DLG2: variants seen among roughly 807,000 people sequenced by gnomAD.
The protein encoded by DLG2 is discs large MAGUK scaffold protein 2, also known as disks large homolog 2.
Under a neutral mutation model 132.5 loss-of-function variants are expected in DLG2, and 45 were observed. The ratio of observed to expected loss-of-function variants is 0.34; its 90% CI spans 0.27 to 0.44. The LOEUF is 0.44. Among genes scored for constraint, DLG2 ranks in the 20% least tolerant of loss-of-function variants. The pLI is 1.00. For missense variants in DLG2, 1,045 were observed against 1,196.9 expected (o/e 0.87, Z 1.87); for synonymous variants, 424 against 419.6 (o/e 1.01, Z -0.13).
At chr11:84,493,808 C>CA (rs1288682368) in intron 7 of DLG2, among the ~76,000 whole-genome samples, 2 of 151,862 alleles carry the variant, frequency 1.3e-5, no homozygotes, top group Admixed American at 6.6e-5. Flanking sequence ...AATAGGCACT[C>CA]AAAAAAAGGA....
At chr11:83,644,006 A>G (rs1160403454) in intron 18 of DLG2, among the ~76,000 whole-genome samples, 2 of 152,154 alleles carry the variant, frequency 1.3e-5, no homozygotes, top group African/African-American at 4.8e-5. Flanking sequence ...ACATCTCTAT[A>G]AGTGAATTCT....
chr11:84,363,702 G>A (rs2098664762), intron 7 of DLG2, among the ~76,000 whole-genome samples: 2 of 151,570 alleles, frequency 1.3e-5, no homozygotes, highest in South Asian at 4.2e-4. Context: ...GTGTAAGGAA[G>A]GGATCCAGTT....
intron 3 of DLG2, among the ~76,000 whole-genome samples, chr11:85,296,805 T>C (rs1249282364): frequency 6.6e-6 from 1 of 150,976 alleles, no homozygotes; most frequent in Admixed American, 6.6e-5. Flanking sequence ...TGAAAATCAA[T>C]TTTAGATTGT....
intron 14 of DLG2, among the ~76,000 whole-genome samples, chr11:83,959,311 T>C (rs528797189): frequency 9.9e-5 from 15 of 152,166 alleles, no homozygotes; most frequent in African/African-American, 3.6e-4. Context: ...TGACTATAAA[T>C]CAGGAAAGTA....
chr11:85,588,745 GT>G (rs2079121630), intron 3 of DLG2, among the ~76,000 whole-genome samples: 2 of 152,068 alleles, frequency 1.3e-5, no homozygotes, highest in Admixed American at 1.3e-4. Context: ...TCTTAGGGGT[GT>G]TGTAAAACCT....
intron 18 of DLG2, among the ~76,000 whole-genome samples, chr11:83,685,083 G>A (rs2079506243): frequency 1.3e-5 from 2 of 152,078 alleles, no homozygotes; most frequent in Non-Finnish European, 2.9e-5. Flanking sequence ...TCTCATTTAA[G>A]CTTGACAACA....
chr11:84,261,955 C>T (rs1371868007), intron 7 of DLG2, among the ~76,000 whole-genome samples: 1 of 152,080 alleles, frequency 6.6e-6, no homozygotes, highest in Non-Finnish European at 1.5e-5. Context: ...GCATCTGGAG[C>T]CTGTCATGCA....
chr11:85,627,434 C>T (rs1258230775), upstream of DLG2: 1 of 152,204 alleles, frequency 6.6e-6, no homozygotes, highest in Non-Finnish European at 1.5e-5. Flanking sequence ...GTTGGCGAAG[C>T]AGATTTCTTC....
At chr11:85,251,966 T>C (rs2076416827) in intron 4 of DLG2, among the ~76,000 whole-genome samples, 1 of 152,216 alleles carries the variant, frequency 6.6e-6, no homozygotes, top group African/African-American at 2.4e-5. Flanking sequence ...TCTGCTATAA[T>C]AGTTATTTCT....
chr11:83,799,351 G>A (rs1276685333), intron 17 of DLG2, among the ~76,000 whole-genome samples: 1 of 152,200 alleles, frequency 6.6e-6, no homozygotes, highest in Non-Finnish European at 1.5e-5. Context: ...CTGTGTTTAT[G>A]GGAGAACAAC....
intron 7 of DLG2, among the ~76,000 whole-genome samples, chr11:84,402,599 G>T (rs971306975): frequency 2.6e-5 from 4 of 151,744 alleles, no homozygotes; most frequent in Non-Finnish European, 5.9e-5. Flanking sequence ...AATTAACTCG[G>T]CCAGGTGCGG....
At chr11:83,670,326 A>G (rs564632965) in intron 18 of DLG2, among the ~76,000 whole-genome samples, 2 of 152,248 alleles carry the variant, frequency 1.3e-5, no homozygotes, top group Admixed American at 1.3e-4. Context: ...AAATGTCAAC[A>G]AACATCTACC....
At chr11:84,227,515 T>C (rs1199747828) in intron 8 of DLG2, among the ~76,000 whole-genome samples, 1 of 152,202 alleles carries the variant, frequency 6.6e-6, no homozygotes, top group Non-Finnish European at 1.5e-5. Flanking sequence ...ATATAGTTAT[T>C]TGTTCACAAT....
chr11:85,193,452 T>C (rs1440177585), intron 4 of DLG2, among the ~76,000 whole-genome samples: 2 of 152,228 alleles, frequency 1.3e-5, no homozygotes, highest in Non-Finnish European at 2.9e-5. Flanking sequence ...TGCTGACAAC[T>C]GTGTTTAACA....
chr11:84,448,103 C>T (rs1179843597), intron 7 of DLG2, among the ~76,000 whole-genome samples: 4 of 152,084 alleles, frequency 2.6e-5, no homozygotes, highest in Non-Finnish European at 5.9e-5. Context: ...AATTCACATG[C>T]TCTTCCAAAG....
At chr11:83,946,870 T>A (rs1301933199) in intron 14 of DLG2, among the ~76,000 whole-genome samples, 1 of 152,236 alleles carries the variant, frequency 6.6e-6, no homozygotes, top group Non-Finnish European at 1.5e-5. Flanking sequence ...GACCACATTC[T>A]CACTGTGAGT....
chr11:83,509,395 C>T (rs1180900902), intron 21 of DLG2, among the ~76,000 whole-genome samples: 4 of 152,168 alleles, frequency 2.6e-5, no homozygotes, highest in Admixed American at 6.5e-5. Flanking sequence ...ACAGGAAAGT[C>T]CTAACTGGAA....
intron 6 of DLG2, among the ~76,000 whole-genome samples, chr11:84,705,482 A>T (rs1327471426): frequency 6.6e-6 from 1 of 151,764 alleles, no homozygotes; most frequent in African/African-American, 2.4e-5. Context: ...AAAGCTGCTT[A>T]TTTTATAAGC....
At chr11:84,382,317 A>G (rs2098751683) in intron 7 of DLG2, among the ~76,000 whole-genome samples, 1 of 152,132 alleles carries the variant, frequency 6.6e-6, no homozygotes, top group African/African-American at 2.4e-5. Context: ...CTTTGTACAG[A>G]TGATCAAATA....
Sources: gnomAD v4.1 joint callset for allele counts (sites outside exome capture counted in the v4.1 genomes callset) on GRCh38, gnomAD v4.1.1 for gene constraint, MANE v1.5 for transcripts, NCBI Gene and HGNC (gene_info 2026-07-23, HGNC 2026-07-21) for gene names.